The following MADD variants were observed in gnomAD, a reference collection of about 807,000 sequenced individuals.
MADD encodes MAP kinase-activating death domain protein.
In MADD, 109 loss-of-function variants were observed where a neutral mutation model predicts 176.7. The observed-to-expected ratio is 0.62, with a 90% CI of 0.53 to 0.72. The LOEUF (loss-of-function observed/expected upper bound fraction) is 0.72. MADD is among the 30% of genes least tolerant of loss of function. MADD has a pLI of 0.00. For missense variants in MADD, 1,914 were observed against 2,045.5 expected (o/e 0.94, Z 1.24); for synonymous variants, 771 against 771.3 (o/e 1.00, Z 0.01).
exon 13 of MADD, chr11:47,285,059 G>T (rs779015544): frequency 6.2e-7 from 1 of 1,614,160 alleles, no homozygotes; most frequent in Non-Finnish European, 8.5e-7. Flanking sequence ...GCAGAAATTG[G>T]AGAGGGGTCA....
chr11:47,303,306 A>G (rs1045227009), intron 22 of MADD, among the ~76,000 whole-genome samples: 11 of 145,756 alleles, frequency 7.5e-5, no homozygotes, highest in Non-Finnish European at 1.3e-4. Flanking sequence ...CAGTGGTGCA[A>G]TCTCGGCTCA....
chr11:47,298,119 A>G (rs1400859440), intron 22 of MADD, among the ~76,000 whole-genome samples: 2 of 152,120 alleles, frequency 1.3e-5, no homozygotes, highest in African/African-American at 4.8e-5. Context: ...CTTCACCACA[A>G]AATCTAACCA....
Position 47,276,979 on chromosome 11 carries a change from T to A in MADD, c.1095+116T>A, listed in dbSNP as rs989643060. 3 of 1,280,064 alleles carry A rather than the reference T, an allele frequency of 2.3e-6. No homozygotes were observed. In the Admixed American group the frequency reaches 6.9e-5, roughly 29 times the overall value. The allele number at this position is 1,280,064 out of a possible 1,614,324, so 79.3% of individuals were successfully genotyped here. The stretch of plus-strand genomic sequence containing the variant: ...CCTCAATCCTTTGTCATAACTTATT[T>A]GTCTACAAAATCTGACTGATTTGAA... On this transcript the variant is annotated intron_variant, in intron 5 of 32. Transcript: ENST00000402192.
chr11:47,303,846 G>C (rs904671933), intron 22 of MADD, among the ~76,000 whole-genome samples: 4 of 151,900 alleles, frequency 2.6e-5, no homozygotes, highest in Admixed American at 2.6e-4. Flanking sequence ...GACTTCAAAT[G>C]ATCTGCCCGC....
chr11:47,280,828 A>G (rs1368859487), intron 7 of MADD, among the ~76,000 whole-genome samples: 1 of 152,156 alleles, frequency 6.6e-6, no homozygotes, highest in Non-Finnish European at 1.5e-5. Context: ...TGGCCTCCCA[A>G]AGTATTGGGA....
At chr11:47,283,893 A>C (rs192914424) in intron 10 of MADD, among the ~76,000 whole-genome samples, 254 of 152,310 alleles carry the variant, frequency 1.7e-3, no homozygotes, top group African/African-American at 5.9e-3. Context: ...TTTTTAGTAG[A>C]GATGGTGTTT....
Position 47,284,271 on chromosome 11 carries a change from T to A in MADD, c.1956T>A (p.Gly652=), listed in dbSNP as rs746548187. The change falls in exon 11 of 33, where the codon GGT becomes GGA. Residue 652 remains glycine (G), a synonymous_variant. Transcript: ENST00000402192. The stretch of plus-strand genomic sequence containing the variant: ...AAATGATGAAATGTGACATTAATGG[T>A]GATACTCCCAGTAAGTGTGCTTGGG... The A allele has an allele frequency of 2.5e-5, 40 of 1,613,788 alleles. 1 individual carries two copies. In the South Asian group the frequency reaches 4.1e-4, roughly 16 times the overall value.
chr11:47,282,174 T>G (rs1020275470), intron 8 of MADD, among the ~76,000 whole-genome samples: 4 of 152,132 alleles, frequency 2.6e-5, no homozygotes, highest in African/African-American at 7.2e-5. Context: ...TATATTTGGT[T>G]GTTATTTTCC....
rs191328755 is a variant in MADD, at chr11:47,326,983, G to A, written c.4612+176G>A. ...GAGATGAGAGCCGGGATGTGGAAGGGAAAGATAGATAATGGATCGCAGAAG... is the reference window on the plus strand; with the variant it reads ...GAGATGAGAGCCGGGATGTGGAAGGAAAAGATAGATAATGGATCGCAGAAG... On this transcript the variant is annotated intron_variant, in intron 31 of 32. Transcript: ENST00000402192. The A allele has an allele frequency of 8.8e-5, 122 of 1,384,084 alleles. 1 individual carries two copies. The African/African-American group carries it at 1.6e-3, about 18-fold the overall frequency. 85.7% of individuals were successfully genotyped at this position (1,384,084 alleles called of 1,614,324 possible).
At chr11:47,326,600 G>A (rs753088814) in intron 30 of MADD, 48 bp downstream of exon 34, 61 of 1,458,704 alleles carry the variant, frequency 4.2e-5, no homozygotes, top group Non-Finnish European at 5.3e-5. Flanking sequence ...TTTGAGTTGT[G>A]TGCGTGTGGA....
At chr11:47,294,161 C>T (rs900328841) in intron 20 of MADD, among the ~76,000 whole-genome samples, 178 bp downstream of exon 22, 4 of 147,158 alleles carry the variant, frequency 2.7e-5, no homozygotes, top group African/African-American at 5.1e-5. Flanking sequence ...ACCAGCCTGA[C>T]CAACATGGTG....
intron 30 of MADD, chr11:47,324,938 T>G (rs2095242511): frequency 1.7e-6 from 1 of 596,766 alleles, no homozygotes; most frequent in Admixed American, 3.0e-5. Flanking sequence ...TGCTTGGTGG[T>G]TTTGCTTTGA....
At chr11:47,278,955 C>T in intron 6 of MADD, 44 bp from the exon 7 acceptor site, 4 of 1,538,612 alleles carry the variant, frequency 2.6e-6, no homozygotes, top group Non-Finnish European at 3.6e-6. Flanking sequence ...AATTCCTGAG[C>T]AATAAACTCT....
At chr11:47,313,012 A>T (rs1201085399) in intron 26 of MADD, among the ~76,000 whole-genome samples, 1 of 152,216 alleles carries the variant, frequency 6.6e-6, no homozygotes, top group Non-Finnish European at 1.5e-5. Context: ...GACAATTAAT[A>T]AACCATGGTT....
At chr11:47,285,052 G>A (rs371631819) in exon 13 of MADD, 3 of 1,614,050 alleles carry the variant, frequency 1.9e-6, no homozygotes, top group African/African-American at 1.3e-5. Context: ...ACGTCAGGCA[G>A]AAATTGGAGA....
Position 47,324,532 on chromosome 11 carries a change from G to A in MADD, c.4497G>A (p.Leu1499=), listed in dbSNP as rs539588082. Residue 1499 remains leucine (L), a synonymous_variant, in exon 30 of 33, where the codon CTG becomes CTA. Transcript: ENST00000402192. ...TGAAGACTGGTGAGGGTGGCCTGCT[G>A]CAGGTGACCCTGGAAGGGATCAACC... 13 of 1,614,096 alleles carry A rather than the reference G, an allele frequency of 8.1e-6. No individual in the cohort carries two copies. In the South Asian group the frequency reaches 8.8e-5, roughly 11 times the overall value.
chr11:47,273,388 G>A (rs1244775170), intron 1 of MADD, among the ~76,000 whole-genome samples: 1 of 151,720 alleles, frequency 6.6e-6, no homozygotes, highest in Non-Finnish European at 1.5e-5. Flanking sequence ...ACCCAGGCTC[G>A]AGTGCAGTGG....
chr11:47,276,746 C>T, exon 5 of MADD: 9 of 1,614,040 alleles, frequency 5.6e-6, no homozygotes, highest in Non-Finnish European at 7.6e-6. Context: ...TGCTACAGTC[C>T]CGAGACTACA....
intron 7 of MADD, among the ~76,000 whole-genome samples, chr11:47,279,614 C>T (rs1246166893): frequency 6.6e-6 from 1 of 151,800 alleles, no homozygotes; most frequent in Non-Finnish European, 1.5e-5. Context: ...CTCCTGACCT[C>T]ATGATCCGCC....
Sources: allele counts gnomAD v4.1 joint callset (sites outside exome capture counted in the v4.1 genomes callset), GRCh38; gene constraint gnomAD v4.1.1; transcripts MANE v1.5; gene names NCBI Gene and HGNC (gene_info 2026-07-23, HGNC 2026-07-21).